Variants in HTR1F observed in about 807,000 individuals in gnomAD.
HTR1F encodes the protein 5-hydroxytryptamine (serotonin) receptor 1F, G protein-coupled.
HTR1F carries 17 observed loss-of-function variants against 24.0 expected under a neutral mutation model. The observed-to-expected ratio is 0.71, with a 90% CI of 0.48 to 1.06. The LOEUF (loss-of-function observed/expected upper bound fraction) is 1.06, where lower values mean the gene tolerates loss of function less well. Ranked by LOEUF, HTR1F falls within the 50% of genes least tolerant of loss-of-function variation. The pLI, the probability that HTR1F is intolerant of heterozygous loss-of-function variation, is 0.00. For missense variants in HTR1F, 391 were observed against 427.8 expected (o/e 0.91, Z 0.76); for synonymous variants, 186 against 156.8 (o/e 1.19, Z -1.39).
At chr3:87,902,245 A>T (rs1013163716) in intron 2 of HTR1F, among the ~76,000 whole-genome samples, 1 of 152,084 alleles carries the variant, frequency 6.6e-6, no homozygotes, top group Non-Finnish European at 1.5e-5. Context: ...TAAAACAGAG[A>T]CCCTAAAAAG....
chr3:87,927,087 CAGA>C (rs1704143460), intron 2 of HTR1F, among the ~76,000 whole-genome samples: 1 of 152,064 alleles, frequency 6.6e-6, no homozygotes, highest in African/African-American at 2.4e-5. Context: ...AGAGGACTCT[CAGA>C]AGACTTGCCC....
intron 2 of HTR1F, among the ~76,000 whole-genome samples, chr3:87,871,093 C>T (rs547839541): frequency 1.3e-5 from 2 of 150,818 alleles, no homozygotes; most frequent in South Asian, 4.2e-4. Context: ...CAATGCATTA[C>T]CTGAAAAAGA....
intron 2 of HTR1F, among the ~76,000 whole-genome samples, chr3:87,889,499 G>A (rs985093231): frequency 6.6e-6 from 1 of 151,968 alleles, no homozygotes; most frequent in Non-Finnish European, 1.5e-5. Flanking sequence ...TTTAAGCATA[G>A]AAAACATCTC....
intron 2 of HTR1F, among the ~76,000 whole-genome samples, chr3:87,882,508 C>T (rs1705827583): frequency 6.6e-6 from 1 of 151,992 alleles, no homozygotes; most frequent in South Asian, 2.1e-4. Flanking sequence ...ACATATACAC[C>T]ATGGAATACT....
chr3:87,886,962 T>A (rs539360641), intron 2 of HTR1F, among the ~76,000 whole-genome samples: 54 of 152,148 alleles, frequency 3.5e-4, no homozygotes, highest in Non-Finnish European at 6.6e-4. Flanking sequence ...CTTCACAGAA[T>A]TGGAAAAAAC....
chr3:87,977,997 G>A (rs1252352925), intron 2 of HTR1F, among the ~76,000 whole-genome samples: 6 of 152,212 alleles, frequency 3.9e-5, no homozygotes, highest in Non-Finnish European at 7.3e-5. Flanking sequence ...GATGCATAGA[G>A]GCAAGAGGTA....
chr3:87,849,318 T>C (rs1394719836), intron 2 of HTR1F, among the ~76,000 whole-genome samples: 3 of 151,642 alleles, frequency 2.0e-5, no homozygotes, highest in Non-Finnish European at 2.9e-5. Flanking sequence ...TCTACAACTA[T>C]CTGATCTTTG....
At chr3:87,924,479 C>T (rs1704079831) in intron 2 of HTR1F, among the ~76,000 whole-genome samples, 1 of 151,970 alleles carries the variant, frequency 6.6e-6, no homozygotes, top group Non-Finnish European at 1.5e-5. Context: ...ATTTTATATT[C>T]TCATGTGTTT....
intron 2 of HTR1F, among the ~76,000 whole-genome samples, chr3:87,888,082 A>G (rs1705996950): frequency 6.6e-6 from 1 of 152,242 alleles, no homozygotes; most frequent in Admixed American, 6.5e-5. Flanking sequence ...ATGTCCATCA[A>G]TGATAGACTG....
In HTR1F at chr3:87,844,822, A is replaced by C. The variant is rs1232175533; in HGVS notation, c.-43+22698A>C. Among the ~76,000 whole-genome samples, 4 of 149,838 alleles carry C rather than the reference A, an allele frequency of 2.7e-5. No homozygotes were observed. In the East Asian group the frequency reaches 7.8e-4, roughly 29 times the overall value. On this transcript the variant is annotated intron_variant, in intron 2 of 2. Transcript: ENST00000319595. Reference sequence around the variant, plus strand: ...ATTGCTTGTTTTTCTCAGGTTTGTCAAAGATCAGATAGTTGTAGATATGCG... The same window carrying C: ...ATTGCTTGTTTTTCTCAGGTTTGTCCAAGATCAGATAGTTGTAGATATGCG...
intron 2 of HTR1F, among the ~76,000 whole-genome samples, chr3:87,878,046 G>A (rs967491856): frequency 1.3e-5 from 2 of 152,124 alleles, no homozygotes; most frequent in Admixed American, 1.3e-4. Flanking sequence ...TGGTTTTAAT[G>A]AAAAAGGGAG....
At chr3:87,923,694 T>A (rs1347811629) in intron 2 of HTR1F, among the ~76,000 whole-genome samples, 1 of 151,976 alleles carries the variant, frequency 6.6e-6, no homozygotes, top group East Asian at 1.9e-4. Context: ...TTGTTAAGAG[T>A]TTTTATAATA....
At chr3:87,801,417 A>G (rs67303034) in intron 1 of HTR1F, among the ~76,000 whole-genome samples, 47,056 of 152,132 alleles carry the variant, frequency 0.31, 7,445 homozygotes, top group East Asian at 0.42. Context: ...TGCCAAGGTT[A>G]AGAGTGCACC....
intron 2 of HTR1F, among the ~76,000 whole-genome samples, chr3:87,840,104 G>A (rs1023842323): frequency 6.6e-6 from 1 of 152,118 alleles, no homozygotes; most frequent in African/African-American, 2.4e-5. Flanking sequence ...TTGGTAGAAT[G>A]ATATATTTTC....
intron 2 of HTR1F, among the ~76,000 whole-genome samples, chr3:87,897,528 GA>G (rs765309424): frequency 8.5e-5 from 13 of 152,186 alleles, no homozygotes; most frequent in South Asian, 2.1e-4. Context: ...AGTGATCCAT[GA>G]AAATATTAGC....
chr3:87,920,192 C>T (rs1422496949), intron 2 of HTR1F, among the ~76,000 whole-genome samples: 1 of 151,730 alleles, frequency 6.6e-6, no homozygotes, highest in Non-Finnish European at 1.5e-5. Context: ...TAAGTGGGAG[C>T]TAAGCTATGA....
chr3:87,906,397 A>C (rs1048867442), intron 2 of HTR1F, among the ~76,000 whole-genome samples: 15 of 152,136 alleles, frequency 9.9e-5, no homozygotes, highest in African/African-American at 3.6e-4. Context: ...TTCCTATAGA[A>C]CAAAGAAAGA....
intron 1 of HTR1F, among the ~76,000 whole-genome samples, chr3:87,796,683 G>A (rs767194354): frequency 4.2e-4 from 64 of 152,160 alleles, no homozygotes; most frequent in Admixed American, 1.4e-3. Context: ...TAAGAAAAAA[G>A]GAAGTGCTGA....
intron 2 of HTR1F, among the ~76,000 whole-genome samples, chr3:87,840,605 C>A (rs1704781410): frequency 6.6e-6 from 1 of 152,008 alleles, no homozygotes; most frequent in Admixed American, 6.6e-5. Context: ...GGAGTATACC[C>A]AAAGTACTTG....
Sources: allele counts gnomAD v4.1 joint callset (sites outside exome capture counted in the v4.1 genomes callset), GRCh38; gene constraint gnomAD v4.1.1; transcripts MANE v1.5; gene names NCBI Gene and HGNC (gene_info 2026-07-23, HGNC 2026-07-21).